Variants in XXYLT1 observed in about 807,000 individuals in gnomAD.
XXYLT1 encodes the protein UDP-xylose:alpha-xyloside alpha-1,3-xylosyltransferase.
XXYLT1 carries 20 observed loss-of-function variants against 28.9 expected under a neutral mutation model. The observed-to-expected ratio is 0.69, with a 90% CI of 0.49 to 1.00. XXYLT1 has a LOEUF of 1.00. XXYLT1 is among the 50% of genes least tolerant of loss of function. XXYLT1 has a pLI of 0.00. For synonymous variants in XXYLT1, 257 were observed against 253.8 expected (o/e 1.01, Z -0.12); for missense variants, 542 against 560.1 (o/e 0.97, Z 0.33).
intron 3 of XXYLT1, among the ~76,000 whole-genome samples, chr3:195,079,419 A>G (rs1266682949): frequency 1.3e-5 from 2 of 152,230 alleles, no homozygotes; most frequent in East Asian, 3.8e-4. Flanking sequence ...CTGAAGAAAT[A>G]CAGGGAAAAC....
intron 3 of XXYLT1, among the ~76,000 whole-genome samples, chr3:195,087,850 C>G (rs542261260): frequency 6.6e-6 from 1 of 152,042 alleles, no homozygotes; most frequent in Admixed American, 6.5e-5. Flanking sequence ...CGAAGCAGGG[C>G]GAGGCAAAGC....
chr3:195,099,673 AC>A (rs1334018140), intron 3 of XXYLT1, among the ~76,000 whole-genome samples: 1 of 152,096 alleles, frequency 6.6e-6, no homozygotes, highest in African/African-American at 2.4e-5. Context: ...TACTAAAAAT[AC>A]AAAAAAATTA....
chr3:195,258,614 G>C (rs1345373338), intron 1 of XXYLT1, among the ~76,000 whole-genome samples: 2 of 152,234 alleles, frequency 1.3e-5, no homozygotes, highest in Non-Finnish European at 2.9e-5. Flanking sequence ...CCAGAGCACA[G>C]GCCGGCTAGC....
chr3:195,116,184 A>T (rs1718034250), intron 3 of XXYLT1, among the ~76,000 whole-genome samples: 1 of 152,184 alleles, frequency 6.6e-6, no homozygotes, highest in Non-Finnish European at 1.5e-5. Context: ...GCATGCCACC[A>T]CGAGCGGTGG....
chr3:195,086,844 G>A (rs1428412944), intron 3 of XXYLT1, among the ~76,000 whole-genome samples: 1 of 152,124 alleles, frequency 6.6e-6, no homozygotes, highest in Non-Finnish European at 1.5e-5. Flanking sequence ...GGGACAAAGA[G>A]CTCCGGGTCC....
intron 3 of XXYLT1, among the ~76,000 whole-genome samples, chr3:195,075,889 G>A (rs1715085301): frequency 6.6e-6 from 1 of 152,178 alleles, no homozygotes; most frequent in Admixed American, 6.5e-5. Flanking sequence ...AGGCTGAGTG[G>A]GCACTGGGGT....
chr3:195,140,892 G>A (rs1719454053), intron 3 of XXYLT1, among the ~76,000 whole-genome samples: 1 of 152,192 alleles, frequency 6.6e-6, no homozygotes, highest in South Asian at 2.1e-4. Context: ...AACCTCCAGT[G>A]GGATGGTATT....
At chr3:195,181,386 CT>C (rs1237944711) in intron 2 of XXYLT1, among the ~76,000 whole-genome samples, 3 of 152,242 alleles carry the variant, frequency 2.0e-5, no homozygotes, top group African/African-American at 7.2e-5. Flanking sequence ...CATTTACCCC[CT>C]GGCCCTGAGT....
intron 2 of XXYLT1, among the ~76,000 whole-genome samples, chr3:195,177,998 T>C (rs1036149768): frequency 1.3e-5 from 2 of 151,678 alleles, no homozygotes; most frequent in Non-Finnish European, 2.9e-5. Context: ...GAGTATCAGT[T>C]ACAAGGGTAT....
At chr3:195,097,626 A>C (rs1464192341) in intron 3 of XXYLT1, among the ~76,000 whole-genome samples, 3 of 152,168 alleles carry the variant, frequency 2.0e-5, no homozygotes, top group Non-Finnish European at 4.4e-5. Context: ...TCTGGATTTA[A>C]ACCCAGGCAG....
At chr3:195,070,262 G>A in intron 3 of XXYLT1, 151 bp from the exon 4 acceptor site, 4 of 1,093,882 alleles carry the variant, frequency 3.7e-6, no homozygotes, top group Non-Finnish European at 1.3e-6. Context: ...TGGCAGAGCT[G>A]GGACCTGAAC....
intron 1 of XXYLT1, among the ~76,000 whole-genome samples, chr3:195,265,108 A>G (rs1213654464): frequency 6.6e-6 from 1 of 152,018 alleles, no homozygotes; most frequent in Non-Finnish European, 1.5e-5. Context: ...GGTGGCTCAC[A>G]TTTGTAATGC....
At chr3:195,095,981 C>G (rs1392387632) in intron 3 of XXYLT1, 3 of 152,172 alleles carry the variant, frequency 2.0e-5, no homozygotes, top group African/African-American at 7.2e-5. Flanking sequence ...AGGCCAGAGG[C>G]TCCGGGAACC....
At chr3:195,075,992 G>A (rs1481862729) in intron 3 of XXYLT1, among the ~76,000 whole-genome samples, 2 of 152,108 alleles carry the variant, frequency 1.3e-5, no homozygotes, top group Non-Finnish European at 2.9e-5. Flanking sequence ...GAGGCACACC[G>A]CAGAGGGCTT....
chr3:195,154,174 T>C (rs1279524125), intron 3 of XXYLT1: 1 of 152,100 alleles, frequency 6.6e-6, no homozygotes, highest in African/African-American at 2.4e-5. Flanking sequence ...CAGGCAGTTG[T>C]CAACCGTCTC....
At chr3:195,101,952 A>AGGGGAGGGGAGGGGATG (rs1716803145) in intron 3 of XXYLT1, among the ~76,000 whole-genome samples, 2 of 30,850 alleles carry the variant, frequency 6.5e-5, no homozygotes, top group African/African-American at 3.0e-4. Context: ...AGGGAAAGGG[A>AGGGGAGGGGAGGGGATG]GGGGAGGGGA....
intron 3 of XXYLT1, among the ~76,000 whole-genome samples, chr3:195,151,077 C>T (rs1034705841): frequency 6.6e-6 from 1 of 152,044 alleles, no homozygotes; most frequent in Non-Finnish European, 1.5e-5. Context: ...CCCACCCCCT[C>T]CCTCTCTTAC....
intron 2 of XXYLT1, among the ~76,000 whole-genome samples, chr3:195,201,851 A>G (rs897174692): frequency 1.3e-5 from 2 of 152,074 alleles, no homozygotes; most frequent in African/African-American, 4.8e-5. Flanking sequence ...CCTCCCCTCC[A>G]TCCGCACAGG....
At chr3:195,112,434 ACACGCACG>A (rs10572344) in intron 3 of XXYLT1, among the ~76,000 whole-genome samples, 1 of 150,242 alleles carries the variant, frequency 6.7e-6, no homozygotes, top group Non-Finnish European at 1.5e-5. Flanking sequence ...ACATGCACAC[ACACGCACG>A]CACACCCACA....
Sources: gnomAD v4.1 joint callset for allele counts (sites outside exome capture counted in the v4.1 genomes callset) on GRCh38, gnomAD v4.1.1 for gene constraint, MANE v1.5 for transcripts, NCBI Gene and HGNC (gene_info 2026-07-23, HGNC 2026-07-21) for gene names.